Variants in SLC24A2 observed in about 807,000 individuals in gnomAD.
SLC24A2 encodes sodium/potassium/calcium exchanger 2.
A neutral mutation model predicts 62.0 loss-of-function variants in SLC24A2; 36 were observed. The ratio of observed to expected loss-of-function variants is 0.58; its 90% CI spans 0.44 to 0.77. The LOEUF (loss-of-function observed/expected upper bound fraction) is 0.77. Among genes scored for constraint, SLC24A2 ranks in the 30% least tolerant of loss-of-function variants. The pLI is 0.00. For synonymous variants in SLC24A2, 358 were observed against 294.0 expected (o/e 1.22, Z -2.23); for missense variants, 846 against 817.9 (o/e 1.03, Z -0.42).
rs554787025 is a variant in SLC24A2, at chr9:19,565,139, A to AG, written c.1347+8211dup. 2.8e-4 allele frequency among the ~76,000 whole-genome samples: 42 copies of AG among 152,268 alleles called. No individual in the cohort carries two copies. The East Asian group carries it at 6.7e-3, about 24-fold the overall frequency. ...GCAATCACGCAGGAGAAAGAAATAA[A>AG]GGTATTCAATTAGGAAAAGAGGAAG... On this transcript the variant is annotated intron_variant, in intron 7 of 10. Coordinates refer to ENST00000341998, the MANE Select transcript of SLC24A2 (RefSeq NM_020344.4).
the SLC24A2 span, among the ~76,000 whole-genome samples, chr9:19,804,722 G>A: frequency 6.6e-6 from 1 of 152,078 alleles, no homozygotes; most frequent in Non-Finnish European, 1.5e-5. Context: ...CAGGGGGAAG[G>A]CATTCAATCT....
chr9:20,306,467 G>C, the SLC24A2 span, among the ~76,000 whole-genome samples: 3 of 152,178 alleles, frequency 2.0e-5, no homozygotes, highest in African/African-American at 4.8e-5. Flanking sequence ...AATAGAGAAA[G>C]ACCCAAAGGC....
the SLC24A2 span, among the ~76,000 whole-genome samples, chr9:20,181,156 C>CAACTTGAGTTG: frequency 6.6e-6 from 1 of 151,844 alleles, no homozygotes; most frequent in Non-Finnish European, 1.5e-5. Flanking sequence ...TTGTAGTTAA[C>CAACTTGAGTTG]TAGTCTCAAG....
chr9:19,672,534 T>C (rs181835686), intron 2 of SLC24A2, among the ~76,000 whole-genome samples: 4 of 146,938 alleles, frequency 2.7e-5, no homozygotes, highest in Admixed American at 6.6e-5. Context: ...TTCAATTTTA[T>C]TTAGTTCTGC....
At chr9:19,637,792 C>T (rs1377809148) in intron 2 of SLC24A2, among the ~76,000 whole-genome samples, 1 of 152,152 alleles carries the variant, frequency 6.6e-6, no homozygotes, top group East Asian at 1.9e-4. Context: ...GAGATTAGAA[C>T]CTGTGTTGGT....
the SLC24A2 span, among the ~76,000 whole-genome samples, chr9:20,077,186 G>C: frequency 2.0e-4 from 30 of 152,094 alleles, no homozygotes; most frequent in African/African-American, 6.7e-4. Context: ...ATACAAAGTA[G>C]CAGATATGTA....
At chr9:20,162,473 T>A in the SLC24A2 span, among the ~76,000 whole-genome samples, 5 of 151,972 alleles carry the variant, frequency 3.3e-5, no homozygotes, top group Admixed American at 2.0e-4. Context: ...GGCTCTGAAA[T>A]TGTGGCAATA....
chr9:19,855,462 G>C, the SLC24A2 span, among the ~76,000 whole-genome samples: 1 of 152,114 alleles, frequency 6.6e-6, no homozygotes, highest in East Asian at 1.9e-4. Flanking sequence ...CTTCCTTCAG[G>C]AGCTCTTGCA....
the SLC24A2 span, among the ~76,000 whole-genome samples, chr9:20,071,894 A>T: frequency 1.3e-5 from 2 of 152,068 alleles, no homozygotes; most frequent in Admixed American, 6.6e-5. Flanking sequence ...GAACTCAAGG[A>T]AACACTTACT....
At chr9:19,519,129 G>A (rs954569295) in intron 10 of SLC24A2, among the ~76,000 whole-genome samples, 2 of 152,118 alleles carry the variant, frequency 1.3e-5, no homozygotes, top group African/African-American at 2.4e-5. Context: ...GAGCTATGAG[G>A]AGTCTTAGAA....
intron 10 of SLC24A2, among the ~76,000 whole-genome samples, chr9:19,520,344 C>G (rs974004534): frequency 2.0e-5 from 3 of 152,186 alleles, no homozygotes; most frequent in African/African-American, 7.2e-5. Context: ...ATACTGAGAG[C>G]TCATGTTTGC....
the SLC24A2 span, among the ~76,000 whole-genome samples, chr9:19,859,955 C>T: frequency 1.3e-5 from 2 of 152,186 alleles, no homozygotes; most frequent in Non-Finnish European, 1.5e-5. Context: ...TAAGTTCCTA[C>T]AAGCCTTGAC....
At chr9:20,262,394 C>G in the SLC24A2 span, among the ~76,000 whole-genome samples, 1 of 152,208 alleles carries the variant, frequency 6.6e-6, no homozygotes. Context: ...GGACTGAAGA[C>G]CAAGTGCCTA....
the SLC24A2 span, among the ~76,000 whole-genome samples, chr9:19,861,181 G>T: frequency 6.6e-6 from 1 of 152,148 alleles, no homozygotes; most frequent in Non-Finnish European, 1.5e-5. Context: ...TCCTAGGGAT[G>T]GTGGCTACAG....
At chr9:20,060,410 G>T in the SLC24A2 span, among the ~76,000 whole-genome samples, 2 of 151,990 alleles carry the variant, frequency 1.3e-5, no homozygotes, top group African/African-American at 4.8e-5. Flanking sequence ...TAAAATATTA[G>T]CAAACCAAAT....
At chr9:20,029,231 C>T in the SLC24A2 span, among the ~76,000 whole-genome samples, 1 of 152,224 alleles carries the variant, frequency 6.6e-6, no homozygotes, top group African/African-American at 2.4e-5. Flanking sequence ...CCCGTGAGTC[C>T]ATGCCTGGCT....
the SLC24A2 span, among the ~76,000 whole-genome samples, chr9:20,133,259 TCTC>T: frequency 2.6e-5 from 4 of 151,602 alleles, no homozygotes; most frequent in Non-Finnish European, 4.4e-5. Flanking sequence ...CACACACACA[TCTC>T]CTACTGGATC....
the SLC24A2 span, among the ~76,000 whole-genome samples, chr9:20,150,036 G>A: frequency 1.3e-5 from 2 of 152,086 alleles, no homozygotes; most frequent in East Asian, 1.9e-4. Context: ...GAATAGAAAC[G>A]ACATGTATTC....
At chr9:19,976,293 A>G in the SLC24A2 span, among the ~76,000 whole-genome samples, 1 of 152,224 alleles carries the variant, frequency 6.6e-6, no homozygotes, top group African/African-American at 2.4e-5. Flanking sequence ...CTTGAATTGT[A>G]ATCCCCATGT....
Sources: allele counts gnomAD v4.1 joint callset (sites outside exome capture counted in the v4.1 genomes callset), GRCh38; gene constraint gnomAD v4.1.1; transcripts MANE v1.5; gene names NCBI Gene and HGNC (gene_info 2026-07-23, HGNC 2026-07-21).